PRKG1: variants seen among roughly 807,000 people sequenced by gnomAD.
The protein encoded by PRKG1 is cGMP-dependent protein kinase 1.
Under a neutral mutation model 88.1 loss-of-function variants are expected in PRKG1, and 35 were observed. The ratio of observed to expected loss-of-function variants is 0.40; its 90% confidence interval spans 0.30 to 0.53. The LOEUF is 0.53. Among genes scored for constraint, PRKG1 ranks in the 20% least tolerant of loss-of-function variants. The pLI, the probability that PRKG1 is intolerant of heterozygous loss-of-function variation, is 0.59. For missense variants in PRKG1, 540 were observed against 839.8 expected, an observed-to-expected ratio of 0.64 and a Z score of 4.41; for synonymous variants, 303 against 292.5, an observed-to-expected ratio of 1.04 and a Z score of -0.37.
intron 3 of PRKG1, among the ~76,000 whole-genome samples, chr10:51,713,148 T>C (rs1841803074): frequency 6.6e-6 from 1 of 152,204 alleles, no homozygotes; most frequent in East Asian, 1.9e-4. Flanking sequence ...AGAATACATG[T>C]TTTATTCCCC....
At chr10:51,797,710 A>AC (rs534954765) in intron 3 of PRKG1, among the ~76,000 whole-genome samples, 2 of 151,432 alleles carry the variant, frequency 1.3e-5, no homozygotes, top group South Asian at 4.1e-4. Flanking sequence ...CTTTAAGGAC[A>AC]TTCACATTGT....
At chr10:51,669,041 C>T (rs559404511) in intron 3 of PRKG1, among the ~76,000 whole-genome samples, 23 of 152,278 alleles carry the variant, frequency 1.5e-4, no homozygotes, top group African/African-American at 4.6e-4. Flanking sequence ...CACGCTAATT[C>T]GCCATCCCAA....
chr10:51,405,948 T>C (rs1348003594), intron 2 of PRKG1, among the ~76,000 whole-genome samples: 1 of 152,178 alleles, frequency 6.6e-6, no homozygotes, highest in Non-Finnish European at 1.5e-5. Context: ...AGAGCTGTCA[T>C]GAAGACAGGG....
At chr10:51,014,338 G>A (rs7895773) in intron 1 of PRKG1, among the ~76,000 whole-genome samples, 142,523 of 148,488 alleles carry the variant, frequency 0.96, 68,442 homozygotes, top group East Asian at 1. Context: ...TTTTTTTGAG[G>A]TGCTCCAAAG....
Position 51,059,027 on chromosome 10 carries a change from ATGTT to A in PRKG1, c.266+67396_266+67399del, listed in dbSNP as rs1387565026. On this transcript the variant is annotated intron_variant, in intron 1 of 17. Coordinates refer to the PRKG1 transcript ENST00000401604. ...CCATTTGTTTATCCTTATGCTACAA[ATGTT>A]TGTTTGTTTGTTACTGGTATAGAAA... Among the ~76,000 whole-genome samples, 17 of 152,174 alleles carry A rather than the reference ATGTT, an allele frequency of 1.1e-4. 1 individual carries two copies. The highest frequency in any genetic ancestry group is 6.2e-4 in the South Asian group (3 of 4,824).
chr10:51,584,504 T>C (rs1838123225), intron 3 of PRKG1, among the ~76,000 whole-genome samples: 1 of 151,834 alleles, frequency 6.6e-6, no homozygotes, highest in Non-Finnish European at 1.5e-5. Context: ...TTCAACAGAG[T>C]TCCATTCTCA....
intron 9 of PRKG1, among the ~76,000 whole-genome samples, chr10:52,234,535 C>T (rs1475683151): frequency 1.1e-4 from 16 of 149,344 alleles, no homozygotes; most frequent in Non-Finnish European, 1.8e-4. Context: ...CCTGAGGAGC[C>T]GATGCGATCA....
chr10:51,641,678 C>T (rs764485302), intron 3 of PRKG1, among the ~76,000 whole-genome samples: 1 of 152,074 alleles, frequency 6.6e-6, no homozygotes, highest in African/African-American at 2.4e-5. Context: ...GGCAAAACCG[C>T]GATGACTTTT....
At chr10:51,474,497 T>C (rs974678685) in intron 3 of PRKG1, among the ~76,000 whole-genome samples, 1 of 152,010 alleles carries the variant, frequency 6.6e-6, no homozygotes, top group Non-Finnish European at 1.5e-5. Context: ...TTTAATGCCT[T>C]AGAGACATAC....
At chr10:51,395,451 C>T (rs546813235) in intron 2 of PRKG1, among the ~76,000 whole-genome samples, 1 of 152,148 alleles carries the variant, frequency 6.6e-6, no homozygotes, top group South Asian at 2.1e-4. Context: ...CTTATGCCTG[C>T]CCTGGTTCAG....
intron 4 of PRKG1, among the ~76,000 whole-genome samples, chr10:51,815,267 A>G (rs1839556407): frequency 6.6e-6 from 1 of 152,216 alleles, no homozygotes; most frequent in Admixed American, 6.5e-5. Context: ...TATCATCCAG[A>G]TTGAGCCTAA....
chr10:51,689,400 T>A (rs930710312), intron 3 of PRKG1, among the ~76,000 whole-genome samples: 1 of 152,196 alleles, frequency 6.6e-6, no homozygotes, highest in African/African-American at 2.4e-5. Context: ...TAATAATAGA[T>A]AAAACCAGCA....
intron 2 of PRKG1, among the ~76,000 whole-genome samples, chr10:51,250,631 C>G (rs1054338858): frequency 6.6e-6 from 1 of 151,862 alleles, no homozygotes; most frequent in East Asian, 1.9e-4. Flanking sequence ...AAGTTTGTGC[C>G]TTTTTCAGCT....
intron 9 of PRKG1, among the ~76,000 whole-genome samples, chr10:52,174,883 T>TATCAATTAAACAGTTGATATATATATC (rs1416649161): frequency 6.6e-6 from 1 of 152,076 alleles, no homozygotes; most frequent in Non-Finnish European, 1.5e-5. Context: ...TTGATATATA[T>TATCAATTAAACAGTTGATATATATATC]AACTGTTCAT....
At chr10:51,701,432 C>T (rs75240747) in intron 3 of PRKG1, among the ~76,000 whole-genome samples, 1 of 152,178 alleles carries the variant, frequency 6.6e-6, no homozygotes, top group Non-Finnish European at 1.5e-5. Flanking sequence ...TAGCTGTTCA[C>T]CCAAGATGCG....
chr10:51,666,014 A>G (rs1268814247), intron 3 of PRKG1, among the ~76,000 whole-genome samples: 1 of 152,156 alleles, frequency 6.6e-6, no homozygotes, highest in Non-Finnish European at 1.5e-5. Context: ...CACATTTATT[A>G]TTAAAAAAGA....
At chr10:51,858,277 A>T (rs1840750243) in intron 4 of PRKG1, among the ~76,000 whole-genome samples, 2 of 13,226 alleles carry the variant, frequency 1.5e-4, no homozygotes, top group Non-Finnish European at 2.6e-4. Flanking sequence ...AATATTATAC[A>T]TATGTATAAT....
chr10:51,970,846 A>C (rs1026723218), intron 5 of PRKG1, among the ~76,000 whole-genome samples: 3 of 148,134 alleles, frequency 2.0e-5, no homozygotes, highest in African/African-American at 7.4e-5. Flanking sequence ...ATATATATAT[A>C]TATCTCCATC....
At chr10:51,532,482 G>A (rs779328069) in intron 3 of PRKG1, among the ~76,000 whole-genome samples, 2 of 152,028 alleles carry the variant, frequency 1.3e-5, no homozygotes, top group Non-Finnish European at 2.9e-5. Flanking sequence ...TTATTTTACT[G>A]TATCATTTTA....
Sources: allele counts gnomAD v4.1 joint callset (sites outside exome capture counted in the v4.1 genomes callset), GRCh38; gene constraint gnomAD v4.1.1; transcripts MANE v1.5; gene names NCBI Gene and HGNC (gene_info 2026-07-23, HGNC 2026-07-21).